Variants in DBX2 observed in about 807,000 individuals in gnomAD.
DBX2 encodes developing brain homeobox 2.
In DBX2, 16 loss-of-function variants were observed where a neutral mutation model predicts 17.7. The observed-to-expected ratio is 0.90, with a 90% CI of 0.61 to 1.37. DBX2 has a LOEUF of 1.37. DBX2 is among the 40% of genes most tolerant of loss of function. The pLI is 0.00. For missense variants in DBX2, 538 were observed against 433.8 expected, an observed-to-expected ratio of 1.24 and a Z score of -2.13; for synonymous variants, 255 against 183.8, an observed-to-expected ratio of 1.39 and a Z score of -3.13.
Position 45,051,065 on chromosome 12 carries a change from A to G in DBX2, c.-138T>C, listed in dbSNP as rs1008382538. 6 of 1,042,446 alleles carry G rather than the reference A, an allele frequency of 5.8e-6. No homozygotes were observed. The highest frequency in any genetic ancestry group is 5.1e-5 in the African/African-American group (3 of 59,322). 64.6% of individuals were successfully genotyped at this position (1,042,446 alleles called of 1,614,324 possible). On this transcript the variant is annotated 5_prime_UTR_variant, in exon 1 of 4. Coordinates refer to ENST00000332700, the MANE Select transcript of DBX2 (RefSeq NM_001004329.3). ...AGCGCGCGGAGCCAGGCAGGGAGGA[A>G]AGGCCACCCGGGACGGCGGCGGACT...
At chr12:45,033,124 T>C (rs1405013210) in intron 2 of DBX2, among the ~76,000 whole-genome samples, 1 of 152,184 alleles carries the variant, frequency 6.6e-6, no homozygotes, top group Admixed American at 6.5e-5. Context: ...TGTTACCACA[T>C]TGCAATGGGA....
chr12:45,030,944 C>T (rs1946405996), intron 2 of DBX2, among the ~76,000 whole-genome samples: 2 of 152,066 alleles, frequency 1.3e-5, no homozygotes, highest in African/African-American at 2.4e-5. Flanking sequence ...TTGTTTAATC[C>T]AGGCCTCTCC....
chr12:45,035,403 G>A (rs1186030603), intron 2 of DBX2, among the ~76,000 whole-genome samples: 1 of 152,172 alleles, frequency 6.6e-6, no homozygotes, highest in Non-Finnish European at 1.5e-5. Context: ...CTTTGAGTGT[G>A]AGAGTGTGTG....
At position 45,016,156 on chromosome 12, in the gene DBX2, A is replaced by T; in HGVS notation, c.*130T>A. On this transcript the variant is annotated 3_prime_UTR_variant, in exon 4 of 4. Coordinates refer to ENST00000332700, the MANE Select transcript of DBX2 (RefSeq NM_001004329.3). ...AGAGAACACTAGAGTGGGTTTCCTAAAGCATTAGTTCATACATCGCTCCAA... is the reference window on the plus strand; with the variant it reads ...AGAGAACACTAGAGTGGGTTTCCTATAGCATTAGTTCATACATCGCTCCAA... 1 of 982,162 alleles carries T rather than the reference A, an allele frequency of 1.0e-6. No homozygotes were observed. The highest frequency in any genetic ancestry group is 1.4e-6 in the Non-Finnish European group (1 of 701,416). The allele number at this position is 982,162 out of a possible 1,614,324, so 60.8% of individuals were successfully genotyped here.
intron 3 of DBX2, among the ~76,000 whole-genome samples, chr12:45,018,558 A>G (rs1176858421): frequency 6.6e-6 from 1 of 152,122 alleles, no homozygotes; most frequent in African/African-American, 2.4e-5. Flanking sequence ...AGCATGACAT[A>G]AAACAGAGGA....
Position 45,036,086 on chromosome 12 carries a change from G to C in DBX2, c.432C>G (p.Thr144=). Residue 144 remains threonine (T), a synonymous_variant, in exon 2 of 4, where the codon ACC becomes ACG. Transcript: ENST00000332700. ...CGCAGCACGCCGAGTAGAATGGCGG[G>C]GTGCTCAGAAGGAAAGGTTTGGAAG... is the stretch of plus-strand genomic sequence containing the variant. ...PAPSKPFLLS[T]PPFYSACCGG... 6.2e-7 allele frequency: 1 copy of C among 1,613,360 alleles called. No individual in the cohort carries two copies. Among genetic ancestry groups the C allele is most frequent in the Non-Finnish European group, 8.5e-7 (1 of 1,179,768 alleles).
intron 1 of DBX2, among the ~76,000 whole-genome samples, chr12:45,047,906 A>G (rs1946508615): frequency 6.6e-6 from 1 of 152,174 alleles, no homozygotes; most frequent in African/African-American, 2.4e-5. Flanking sequence ...TAGCCACCTC[A>G]TTAGCTTATT....
At chr12:45,033,990 T>A (rs967252020) in intron 2 of DBX2, among the ~76,000 whole-genome samples, 1 of 152,054 alleles carries the variant, frequency 6.6e-6, no homozygotes. Flanking sequence ...CTAGAAAACA[T>A]CTTTAGCATT....
chr12:45,015,149 A>C lies in DBX2; in HGVS notation c.*1137T>G, dbSNP rs1946316503. On this transcript the variant is annotated 3_prime_UTR_variant, in exon 4 of 4. Transcript: ENST00000332700. ...TTAACTCAGCAAATCGTTACCAGAA[A>C]TGCAATTTTAGAAAGATACAATTTC... 1 of 152,244 alleles carries C rather than the reference A, an allele frequency of 6.6e-6. No homozygotes were observed. The allele number at this position is 152,244 out of a possible 1,614,324, so 9.4% of individuals were successfully genotyped here. A position where few individuals can be genotyped will look rare whatever the true frequency, so the allele number is the denominator to read the frequency against.
chr12:45,050,881 A>C lies in DBX2; in HGVS notation c.47T>G (p.Val16Gly), dbSNP rs544127350. ...VAAHAGAYWD[V>G]VASSALLNLP... is the part of the protein sequence containing the mutation. ...GTTGAGGAGCGCGGAGGAAGCCACA[A>C]CGTCCCAGTACGCACCGGCGTGGGC... Residue 16 changes from valine to glycine, a missense_variant, in exon 1 of 4, where the codon GTT (valine) becomes GGT (glycine). Transcript: ENST00000332700. 5 of 1,525,698 alleles carry C rather than the reference A, an allele frequency of 3.3e-6. No individual in the cohort carries two copies. The East Asian group carries it at 1.1e-4, about 33-fold the overall frequency. The allele number at this position is 1,525,698 out of a possible 1,614,324, so 94.5% of individuals were successfully genotyped here.
At chr12:45,050,051 T>C (rs1052946482) in intron 1 of DBX2, among the ~76,000 whole-genome samples, 2 of 152,018 alleles carry the variant, frequency 1.3e-5, no homozygotes, top group Admixed American at 6.5e-5. Context: ...ACCCCGACCA[T>C]CCTAACAGTT....
chr12:45,044,367 A>T (rs962990085), intron 1 of DBX2, among the ~76,000 whole-genome samples: 9 of 152,186 alleles, frequency 5.9e-5, no homozygotes, highest in African/African-American at 2.2e-4. Context: ...AATTTTCTCA[A>T]AGAATGACTT....
Position 45,023,856 on chromosome 12 carries a change from T to TA in DBX2, c.537dup (p.Asn180Ter). On this transcript the variant is annotated frameshift_variant, in exon 3 of 4. Coordinates refer to ENST00000332700, the MANE Select transcript of DBX2 (RefSeq NM_001004329.3). LOFTEE classifies it high-confidence loss of function. ...AAAATGCCCCTCCGAGCTTTGGAAT[T>TA]AGAGTCCTGTGTCAGGAGAGGCAGC... is the stretch of plus-strand genomic sequence containing the variant. The TA allele has an allele frequency of 6.3e-7, 1 of 1,596,018 alleles. No individual in the cohort carries two copies. Among genetic ancestry groups the TA allele is most frequent in the Non-Finnish European group, 8.5e-7 (1 of 1,172,750 alleles).
chr12:45,035,948 G>A lies in DBX2; in HGVS notation c.499+71C>T, dbSNP rs1946437723. 3 of 1,424,728 alleles carry A rather than the reference G, an allele frequency of 2.1e-6. No individual in the cohort carries two copies. In the African/African-American group the frequency reaches 4.3e-5, roughly 20 times the overall value. 88.3% of individuals were successfully genotyped at this position (1,424,728 alleles called of 1,614,324 possible). A position where few individuals can be genotyped will look rare whatever the true frequency, so the allele number is the denominator to read the frequency against. Reference sequence around the variant, plus strand: ...CATTGCATTACCAATTAGTTTTCCAGAGCACATTAAATCCTGCAGCTTTGG... The same window carrying A: ...CATTGCATTACCAATTAGTTTTCCAAAGCACATTAAATCCTGCAGCTTTGG... On this transcript the variant is annotated intron_variant, in intron 2 of 3. Transcript: ENST00000332700.
intron 2 of DBX2, among the ~76,000 whole-genome samples, chr12:45,034,897 T>C (rs1202522158): frequency 1.3e-5 from 2 of 152,152 alleles, no homozygotes; most frequent in Admixed American, 6.5e-5. Flanking sequence ...CTAAAGTTCA[T>C]CTGCAGAGTG....
In DBX2 at chr12:45,016,541, G is replaced by C. The variant is rs757883410; in HGVS notation, c.765C>G (p.Ile255Met). The C allele has an allele frequency of 6.2e-7, 1 of 1,601,394 alleles. No homozygotes were observed. The highest frequency in any genetic ancestry group is 1.1e-5 in the South Asian group (1 of 88,446). Reference protein sequence around the residue: ...KEKEVLSNRCIQEVGLQEDPL... With the variant: ...KEKEVLSNRCMQEVGLQEDPL... Reference sequence around the variant, plus strand: ...GATCCTCTTGAAGACCTACTTCTTGGATACACCTGTTGGAAAGCACTTCCT... The same window carrying C: ...GATCCTCTTGAAGACCTACTTCTTGCATACACCTGTTGGAAAGCACTTCCT... The change falls in exon 4 of 4, where the codon ATC (isoleucine) becomes ATG (methionine). Residue 255 changes from isoleucine (I) to methionine (M), a missense_variant. By Grantham distance (10) the Ile-to-Met change is conservative. Transcript: ENST00000332700.
At position 45,016,252 on chromosome 12, in the gene DBX2, G is replaced by T. The variant is rs748866247; in HGVS notation, c.*34C>A. 11 of 1,524,964 alleles carry T rather than the reference G, an allele frequency of 7.2e-6. No individual in the cohort carries two copies. Among genetic ancestry groups the T allele is most frequent in the Non-Finnish European group, 9.7e-6 (11 of 1,139,128 alleles). The allele number at this position is 1,524,964 out of a possible 1,614,324, so 94.5% of individuals were successfully genotyped here. ...TAGAGTCCAGATGTTACTATTAAGC[G>T]TTCTTTTAAATGAACACGGAGGAAT... On this transcript the variant is annotated 3_prime_UTR_variant, in exon 4 of 4. Coordinates refer to ENST00000332700, the MANE Select transcript of DBX2 (RefSeq NM_001004329.3).
rs116367617 is a variant in DBX2, at chr12:45,022,904, T to A, written c.687+803A>T. Among the ~76,000 whole-genome samples the A allele has an allele frequency of 6.4e-3, 977 of 152,328 alleles. 14 individuals are homozygous for A. Among genetic ancestry groups the A allele is most frequent in the African/African-American group, 0.022 (905 of 41,582 alleles). On this transcript the variant is annotated intron_variant, in intron 3 of 3. Transcript: ENST00000332700. ...ACACAAACTCCAGAGTTAAGCTGTC[T>A]AAGGTGGGAGCCTACCTCCAAAACC...
chr12:45,035,953 C>T lies in DBX2; in HGVS notation c.499+66G>A. On this transcript the variant is annotated intron_variant, in intron 2 of 3. Coordinates refer to ENST00000332700, the MANE Select transcript of DBX2 (RefSeq NM_001004329.3). The stretch of plus-strand genomic sequence containing the variant: ...CATTACCAATTAGTTTTCCAGAGCA[C>T]ATTAAATCCTGCAGCTTTGGTTTAC... 6.2e-6 allele frequency: 9 copies of T among 1,462,292 alleles called. No individual in the cohort carries two copies. The South Asian group carries it at 6.4e-5, about 10-fold the overall frequency. 90.6% of individuals were successfully genotyped at this position (1,462,292 alleles called of 1,614,324 possible).
Sources: gnomAD v4.1 joint callset for allele counts (sites outside exome capture counted in the v4.1 genomes callset) on GRCh38, gnomAD v4.1.1 for gene constraint, MANE v1.5 for transcripts, NCBI Gene and HGNC (gene_info 2026-07-23, HGNC 2026-07-21) for gene names.